The following IDH1 variants were observed in gnomAD, a reference collection of about 807,000 sequenced individuals.
IDH1 encodes the protein isocitrate dehydrogenase (NADP(+)) 1, also known as isocitrate dehydrogenase [NADP] cytoplasmic.
A neutral mutation model predicts 46.1 loss-of-function variants in IDH1; 33 were observed. The observed-to-expected ratio is 0.72, with a 90% CI of 0.54 to 0.96. IDH1 has a LOEUF of 0.96. Among genes scored for constraint, IDH1 ranks in the 40% least tolerant of loss-of-function variants. The pLI, the probability that IDH1 is intolerant of heterozygous loss-of-function variation, is 0.00. For missense variants in IDH1, 421 were observed against 515.7 expected (o/e 0.82, Z 1.78); for synonymous variants, 144 against 172.8 (o/e 0.83, Z 1.31).
intron 3 of IDH1, 200 bp downstream of exon 3, chr2:208,251,230 C>A: frequency 6.8e-6 from 3 of 442,580 alleles, no homozygotes; most frequent in East Asian, 3.5e-5. Context: ...TTTTTTTTTC[C>A]TGTTTCTCCT....
intron 4 of IDH1, 199 bp downstream of exon 4, chr2:208,248,170 C>CT (rs1341151968): frequency 1.7e-6 from 1 of 594,070 alleles, no homozygotes; most frequent in Non-Finnish European, 3.0e-6. Flanking sequence ...AGATGGACGC[C>CT]TATTTGTAAG....
chr2:208,237,322 T>C (rs1687829525), intron 9 of IDH1, among the ~76,000 whole-genome samples, 153 bp from the exon 10 acceptor site: 1 of 152,198 alleles, frequency 6.6e-6, no homozygotes, highest in Non-Finnish European at 1.5e-5. Context: ...CTATAGACAA[T>C]GACTATGTTC....
At chr2:208,241,810 T>G (rs753155416) in intron 7 of IDH1, among the ~76,000 whole-genome samples, 184 bp downstream of exon 7, 11 of 152,200 alleles carry the variant, frequency 7.2e-5, no homozygotes, top group Non-Finnish European at 1.6e-4. Context: ...TTACTTCCCA[T>G]GTGGTCTTGA....
chr2:208,243,467 C>T lies in IDH1; in HGVS notation c.658G>A (p.Asp220Asn). 1 of 1,613,976 alleles carries T rather than the reference C, an allele frequency of 6.2e-7. No individual in the cohort carries two copies. Among genetic ancestry groups the T allele is most frequent in the Non-Finnish European group, 8.5e-7 (1 of 1,179,900 alleles). Reference protein sequence around the residue: ...STKNTILKKYDGRFKDIFQEI... With the variant: ...STKNTILKKYNGRFKDIFQEI... The stretch of plus-strand genomic sequence containing the variant: ...TGAAAGATGTCTTTAAAACGCCCAT[C>T]ATATTTCTTCAGAATAGTGTTTTTG... Residue 220 changes from aspartate to asparagine, a missense_variant, in exon 6 of 10, where the codon GAT (aspartate) becomes AAT (asparagine). By Grantham distance (23) the Asp-to-Asn change is conservative. Coordinates refer to ENST00000345146, the MANE Select transcript of IDH1 (RefSeq NM_005896.4).
At chr2:208,237,394 C>CTT (rs58211203) in intron 9 of IDH1, among the ~76,000 whole-genome samples, 1 of 162 alleles carries the variant, frequency 6.2e-3, no homozygotes, top group Non-Finnish European at 0.031. Flanking sequence ...GCAGTAGAGA[C>CTT]AGCCATACAT....
chr2:208,239,032 G>C, intron 9 of IDH1, 39 bp downstream of exon 9: 4 of 1,575,524 alleles, frequency 2.5e-6, no homozygotes, highest in Non-Finnish European at 3.5e-6. Flanking sequence ...GAGGATAAGT[G>C]TTAATTTGAC....
intron 9 of IDH1, among the ~76,000 whole-genome samples, chr2:208,238,468 G>T (rs1371783221): frequency 6.6e-6 from 1 of 152,160 alleles, no homozygotes; most frequent in Non-Finnish European, 1.5e-5. Context: ...ATCCCCCCAG[G>T]ATACTGGCTA....
chr2:208,252,601 A>G (rs745767280), intron 2 of IDH1, among the ~76,000 whole-genome samples: 7 of 152,230 alleles, frequency 4.6e-5, no homozygotes, highest in Non-Finnish European at 8.8e-5. Context: ...ACACAGCTGC[A>G]AATTGCTTTT....
intron 4 of IDH1, among the ~76,000 whole-genome samples, chr2:208,246,227 A>T (rs1020080555): frequency 6.6e-6 from 1 of 152,176 alleles, no homozygotes; most frequent in Non-Finnish European, 1.5e-5. Context: ...TCAGTGGAAT[A>T]ATATGCCTGG....
At chr2:208,253,734 A>G (rs1688163887) in intron 2 of IDH1, among the ~76,000 whole-genome samples, 152 bp downstream of exon 2, 1 of 152,246 alleles carries the variant, frequency 6.6e-6, no homozygotes, top group Admixed American at 6.5e-5. Context: ...ACACTGTATT[A>G]AAAGAAACAA....
At chr2:208,244,595 A>G (rs900048378) in intron 5 of IDH1, among the ~76,000 whole-genome samples, 3 of 152,284 alleles carry the variant, frequency 2.0e-5, no homozygotes, top group South Asian at 2.1e-4. Context: ...TTAAAGATAG[A>G]ACTTGAATCC....
chr2:208,245,746 T>C (rs1249694602), intron 4 of IDH1, among the ~76,000 whole-genome samples: 1 of 131,238 alleles, frequency 7.6e-6, no homozygotes, highest in Non-Finnish European at 1.6e-5. Flanking sequence ...AAAAGCAATA[T>C]AAGAGCTTTC....
In IDH1 at chr2:208,248,602, C is replaced by T. The variant is rs1473943942; in HGVS notation, c.181G>A (p.Ala61Thr). 1 of 1,613,982 alleles carries T rather than the reference C, an allele frequency of 6.2e-7. No homozygotes were observed. The highest frequency in any genetic ancestry group is 1.3e-5 in the African/African-American group (1 of 74,940). Reference protein sequence around the residue: ...ATNDQVTKDAAEAIKKHNVGV... With the variant: ...ATNDQVTKDATEAIKKHNVGV... ...ACATTATGCTTCTTTATAGCTTCTG[C>T]AGCATCCTTGGTGACTTGGTCGTTG... is the stretch of plus-strand genomic sequence containing the variant. Residue 61 changes from alanine to threonine, a missense_variant, in exon 4 of 10, where the codon GCA becomes ACA. By Grantham distance (58) the Ala-to-Thr change is moderately conservative. Transcript: ENST00000345146.
intron 5 of IDH1, 138 bp downstream of exon 5, chr2:208,245,181 A>G (rs960959423): frequency 5.4e-5 from 34 of 629,402 alleles, no homozygotes; most frequent in Non-Finnish European, 7.3e-5. Flanking sequence ...CTTTATGTCA[A>G]GTTTCGGGTT....
chr2:208,251,300 A>G, intron 3 of IDH1, 130 bp downstream of exon 3: 1 of 850,876 alleles, frequency 1.2e-6, no homozygotes, highest in South Asian at 1.5e-5. Flanking sequence ...CCCAGGCTGG[A>G]CTTGAATTCC....
chr2:208,237,647 C>G (rs1471185799), intron 9 of IDH1, among the ~76,000 whole-genome samples: 3 of 151,782 alleles, frequency 2.0e-5, no homozygotes, highest in Non-Finnish European at 2.9e-5. Context: ...CAGGCCGGGC[C>G]TGGTGGCTCA....
rs571572936 is a variant in IDH1, at chr2:208,243,691, C to G, written c.521-87G>C. The G allele has an allele frequency of 2.9e-6, 3 of 1,030,390 alleles. No homozygotes were observed. The East Asian group carries it at 7.5e-5, about 26-fold the overall frequency. The allele number at this position is 1,030,390 out of a possible 1,614,324, so 63.8% of individuals were successfully genotyped here. The stretch of plus-strand genomic sequence containing the variant: ...TAAGGCTAAAATCACCCACCACAAC[C>G]AAATGACCTACTTCTCAGCTCTCAC... On this transcript the variant is annotated intron_variant, in intron 5 of 9. Transcript: ENST00000345146.
At chr2:208,248,256 T>C in intron 4 of IDH1, 113 bp downstream of exon 4, 1 of 873,886 alleles carries the variant, frequency 1.1e-6, no homozygotes, top group Non-Finnish European at 1.9e-6. Context: ...ATTTCATACC[T>C]TGCTTAATGG....
chr2:208,243,276 G>T, intron 6 of IDH1, 151 bp downstream of exon 6: 2 of 647,014 alleles, frequency 3.1e-6, no homozygotes, highest in Non-Finnish European at 2.7e-6. Context: ...TTTCACTCCT[G>T]CTAAACCTCA....
Sources: gnomAD v4.1 joint callset for allele counts (sites outside exome capture counted in the v4.1 genomes callset) on GRCh38, gnomAD v4.1.1 for gene constraint, MANE v1.5 for transcripts, NCBI Gene and HGNC (gene_info 2026-07-23, HGNC 2026-07-21) for gene names.